LHFPL3: variants seen among roughly 807,000 people sequenced by gnomAD.
LHFPL3 encodes LHFPL tetraspan subfamily member 3 protein.
A neutral mutation model predicts 19.3 loss-of-function variants in LHFPL3; 5 were observed. That is an observed-to-expected ratio of 0.26 (90% CI 0.14 to 0.54). LHFPL3 has a LOEUF of 0.54. LHFPL3 is among the 20% of genes least tolerant of loss of function. The pLI is 0.94. For missense variants in LHFPL3, 249 were observed against 307.4 expected, an observed-to-expected ratio of 0.81 and a Z score of 1.42; for synonymous variants, 133 against 126.2, an observed-to-expected ratio of 1.05 and a Z score of -0.36.
intron 2 of LHFPL3, among the ~76,000 whole-genome samples, chr7:104,832,342 G>A (rs957814961): frequency 1.3e-5 from 2 of 151,826 alleles, no homozygotes; most frequent in Non-Finnish European, 2.9e-5. Flanking sequence ...GAAGGACCTG[G>A]TTTTGCTCCC....
intron 1 of LHFPL3, among the ~76,000 whole-genome samples, chr7:104,468,109 A>G (rs769239497): frequency 4.6e-5 from 7 of 152,232 alleles, no homozygotes; most frequent in Non-Finnish European, 1.0e-4. Context: ...TATCTGAACT[A>G]TTGATTTCAA....
rs2116525425 is a variant in LHFPL3 at position 104,821,845 on chromosome 7, C to G, written c.683-84342C>G. On this transcript the variant is annotated intron_variant, in intron 2 of 2. Coordinates refer to ENST00000424859, the MANE Select transcript of LHFPL3 (RefSeq NM_199000.3). ...CCTCACTTAGTTACAATAAACTGCA[C>G]AAATGCACTTTGCAAACATAGATTA... Among the ~76,000 whole-genome samples, 3 of 152,304 alleles carry G rather than the reference C, an allele frequency of 2.0e-5. No homozygotes were observed. The South Asian group carries it at 6.2e-4, about 32-fold the overall frequency.
chr7:104,607,745 T>C (rs1791130867), intron 1 of LHFPL3, among the ~76,000 whole-genome samples: 1 of 152,066 alleles, frequency 6.6e-6, no homozygotes, highest in Admixed American at 6.5e-5. Flanking sequence ...CGCAACCTAC[T>C]CATCTGACAA....
chr7:104,420,711 C>T (rs944782848), intron 1 of LHFPL3, among the ~76,000 whole-genome samples: 1 of 152,156 alleles, frequency 6.6e-6, no homozygotes, highest in African/African-American at 2.4e-5. Context: ...AGGCGCCCGC[C>T]ACCATGCCCG....
chr7:104,364,229 A>C (rs10487202), intron 1 of LHFPL3, among the ~76,000 whole-genome samples: 1 of 152,194 alleles, frequency 6.6e-6, no homozygotes, highest in Non-Finnish European at 1.5e-5. Context: ...CATTGGCTAT[A>C]GGCAAAGTTT....
intron 1 of LHFPL3, among the ~76,000 whole-genome samples, chr7:104,710,007 T>C (rs931725038): frequency 4.6e-5 from 7 of 152,320 alleles, no homozygotes; most frequent in Non-Finnish European, 1.0e-4. Context: ...GCCGGGATCA[T>C]GCCACTGCAC....
chr7:104,591,874 A>G (rs890121656), intron 1 of LHFPL3, among the ~76,000 whole-genome samples: 2 of 152,116 alleles, frequency 1.3e-5, no homozygotes, highest in African/African-American at 4.8e-5. Context: ...TAGATCTTCA[A>G]TCACTGATAC....
chr7:104,825,252 A>G (rs1421855808), intron 2 of LHFPL3, among the ~76,000 whole-genome samples: 1 of 152,052 alleles, frequency 6.6e-6, no homozygotes, highest in Non-Finnish European at 1.5e-5. Context: ...AGTCAAACAT[A>G]GCAACAGTGA....
At chr7:104,868,067 T>C (rs1215271868) in intron 2 of LHFPL3, among the ~76,000 whole-genome samples, 4 of 152,212 alleles carry the variant, frequency 2.6e-5, no homozygotes, top group Non-Finnish European at 5.9e-5. Flanking sequence ...TAGGTATTGA[T>C]GGGATGTATC....
intron 2 of LHFPL3, among the ~76,000 whole-genome samples, chr7:104,741,522 T>C (rs1411040046): frequency 4.9e-4 from 71 of 146,012 alleles, no homozygotes; most frequent in Non-Finnish European, 1.0e-4. Flanking sequence ...TCTTTAAATA[T>C]CTAACTAACT....
intron 2 of LHFPL3, among the ~76,000 whole-genome samples, chr7:104,751,005 C>A (rs1486555220): frequency 5.9e-5 from 9 of 151,518 alleles, no homozygotes; most frequent in Non-Finnish European, 4.4e-5. Flanking sequence ...TAAGACTGGG[C>A]AATTCTTTTT....
At chr7:104,722,810 CT>C (rs566123158) in intron 1 of LHFPL3, among the ~76,000 whole-genome samples, 2 of 152,104 alleles carry the variant, frequency 1.3e-5, no homozygotes, top group Non-Finnish European at 2.9e-5. Context: ...ATGCAGGTTC[CT>C]TTTTTTCACC....
At chr7:104,736,967 C>T (rs1181165443) in intron 2 of LHFPL3, 56 bp downstream of exon 2, 1 of 1,350,454 alleles carries the variant, frequency 7.4e-7, no homozygotes, top group Admixed American at 2.0e-5. Flanking sequence ...AAAAATGGTG[C>T]TCTCCATTCT....
chr7:104,667,552 G>C (rs1792380395), intron 1 of LHFPL3, among the ~76,000 whole-genome samples: 1 of 152,166 alleles, frequency 6.6e-6, no homozygotes, highest in Non-Finnish European at 1.5e-5. Flanking sequence ...GGTTGGATTA[G>C]CCAATCTTCC....
intron 1 of LHFPL3, among the ~76,000 whole-genome samples, chr7:104,591,466 G>A (rs184207047): frequency 2.6e-4 from 40 of 152,296 alleles, no homozygotes; most frequent in African/African-American, 8.4e-4. Context: ...GGCTTGTAGC[G>A]TTTCTGCTGA....
chr7:104,837,622 T>C (rs1368952233), intron 2 of LHFPL3, among the ~76,000 whole-genome samples: 6 of 152,182 alleles, frequency 3.9e-5, no homozygotes, highest in Non-Finnish European at 8.8e-5. Context: ...ACTTTATTTT[T>C]TTTTATTTTT....
intron 2 of LHFPL3, chr7:104,803,108 A>G (rs988917010): frequency 5.3e-5 from 8 of 152,232 alleles, no homozygotes; most frequent in African/African-American, 1.9e-4. Flanking sequence ...TACCATTCCT[A>G]TAATGGACCA....
chr7:104,507,578 C>T (rs1466264485), intron 1 of LHFPL3, among the ~76,000 whole-genome samples: 1 of 103,564 alleles, frequency 9.7e-6, no homozygotes, highest in African/African-American at 3.5e-5. Flanking sequence ...ACACCAAAAG[C>T]AATGGCAACA....
At chr7:104,459,450 G>A (rs1792615071) in intron 1 of LHFPL3, among the ~76,000 whole-genome samples, 1 of 152,306 alleles carries the variant, frequency 6.6e-6, no homozygotes, top group South Asian at 2.1e-4. Context: ...ACATTGGCCA[G>A]GAATATTCGT....
Sources: gnomAD v4.1 joint callset for allele counts (sites outside exome capture counted in the v4.1 genomes callset) on GRCh38, gnomAD v4.1.1 for gene constraint, MANE v1.5 for transcripts, NCBI Gene and HGNC (gene_info 2026-07-23, HGNC 2026-07-21) for gene names.